KCNJ6: variants seen among roughly 807,000 people sequenced by gnomAD.
KCNJ6 encodes the protein G protein-activated inward rectifier potassium channel 2.
Under a neutral mutation model 34.2 loss-of-function variants are expected in KCNJ6, and 9 were observed. That is an observed-to-expected ratio of 0.26 (90% CI 0.16 to 0.46). The LOEUF is 0.46. Ranked by LOEUF, KCNJ6 falls within the 20% of genes least tolerant of loss-of-function variation. KCNJ6 has a pLI of 1.00. For synonymous variants in KCNJ6, 196 were observed against 207.1 expected (o/e 0.95, Z 0.46); for missense variants, 236 against 531.3 (o/e 0.44, Z 5.46).
chr21:37,628,605 A>G (rs1215992665), intron 3 of KCNJ6, among the ~76,000 whole-genome samples: 1 of 152,194 alleles, frequency 6.6e-6, no homozygotes, highest in Non-Finnish European at 1.5e-5. Context: ...TAAAGAGAAA[A>G]TAGCAGAAGG....
At chr21:37,692,554 C>G (rs775476944) in intron 3 of KCNJ6, among the ~76,000 whole-genome samples, 2 of 152,130 alleles carry the variant, frequency 1.3e-5, no homozygotes, top group Non-Finnish European at 2.9e-5. Flanking sequence ...GGAACCGTGT[C>G]TTGATTAGAC....
rs2054286036 is a variant in KCNJ6, at chr21:37,620,253, T to G, written c.*4906A>C. 1 of 152,170 alleles carries G rather than the reference T, an allele frequency of 6.6e-6. No individual in the cohort carries two copies. Among genetic ancestry groups the G allele is most frequent in the Non-Finnish European group, 1.5e-5 (1 of 68,046 alleles). The allele number at this position is 152,170 out of a possible 1,614,324, so 9.4% of individuals were successfully genotyped here. On this transcript the variant is annotated 3_prime_UTR_variant, in exon 4 of 4. Coordinates refer to ENST00000609713, the MANE Select transcript of KCNJ6 (RefSeq NM_002240.5). ...GTACAGTACAGGGGTCAGCAAACTT[T>G]TTTTATACAGGGCCAGATAGTAAAT...
chr21:37,859,436 C>G (rs575165364), intron 1 of KCNJ6, among the ~76,000 whole-genome samples: 1 of 128,002 alleles, frequency 7.8e-6, no homozygotes, highest in Non-Finnish European at 1.6e-5. Flanking sequence ...GAACTGGAGT[C>G]TAGGAAGGGT....
chr21:37,785,403 C>T (rs1042444994), intron 2 of KCNJ6, among the ~76,000 whole-genome samples: 1 of 152,210 alleles, frequency 6.6e-6, no homozygotes, highest in Non-Finnish European at 1.5e-5. Context: ...GTGGCAGTTT[C>T]CAAAGGCTCA....
chr21:37,710,048 A>G (rs1053183154), intron 3 of KCNJ6, among the ~76,000 whole-genome samples: 3 of 148,786 alleles, frequency 2.0e-5, no homozygotes, highest in Non-Finnish European at 4.5e-5. Flanking sequence ...TATCTTCTTT[A>G]AGAAAAACTT....
At chr21:37,758,512 C>T (rs1022118218) in intron 2 of KCNJ6, among the ~76,000 whole-genome samples, 6 of 152,192 alleles carry the variant, frequency 3.9e-5, no homozygotes, top group Admixed American at 6.5e-5. Flanking sequence ...TTTACCACTG[C>T]GGATTTCAAG....
chr21:37,862,678 G>A (rs528498544), intron 1 of KCNJ6, among the ~76,000 whole-genome samples: 191 of 152,302 alleles, frequency 1.3e-3, no homozygotes, highest in Non-Finnish European at 2.4e-3. Context: ...GAAACTGGGG[G>A]TTCTTCCTCT....
At chr21:37,731,553 G>C (rs1452272986) in intron 2 of KCNJ6, among the ~76,000 whole-genome samples, 1 of 152,208 alleles carries the variant, frequency 6.6e-6, no homozygotes, top group African/African-American at 2.4e-5. Context: ...GTGGTAGGCA[G>C]CATCATTGAT....
At position 37,645,780 on chromosome 21, in the gene KCNJ6, G is replaced by A. The variant is rs796793789; in HGVS notation, c.947-20296C>T. On this transcript the variant is annotated intron_variant, in intron 3 of 3. Transcript: ENST00000609713. Reference sequence around the variant, plus strand: ...TAGAAAATATTACTTGTAGAGTCACGTAGCAGCCTTTTCCAGAGCTTCTTC... The same window carrying A: ...TAGAAAATATTACTTGTAGAGTCACATAGCAGCCTTTTCCAGAGCTTCTTC... Among the ~76,000 whole-genome samples the A allele has an allele frequency of 6.0e-4, 92 of 152,242 alleles. 1 individual carries two copies. The highest frequency in any genetic ancestry group is 2.0e-3 in the African/African-American group (81 of 41,524).
At chr21:37,771,094 G>A (rs1214614372) in intron 2 of KCNJ6, among the ~76,000 whole-genome samples, 1 of 152,180 alleles carries the variant, frequency 6.6e-6, no homozygotes, top group Admixed American at 6.5e-5. Flanking sequence ...TATTTGGCGA[G>A]TAAGTGTGTT....
At chr21:37,876,340 T>G (rs1379767562) in intron 1 of KCNJ6, among the ~76,000 whole-genome samples, 1 of 152,102 alleles carries the variant, frequency 6.6e-6, no homozygotes, top group Non-Finnish European at 1.5e-5. Context: ...AGTCACCCAA[T>G]TAACAAAAAA....
chr21:37,642,846 T>A (rs1387942001), intron 3 of KCNJ6, among the ~76,000 whole-genome samples: 2 of 152,166 alleles, frequency 1.3e-5, no homozygotes, highest in African/African-American at 4.8e-5. Context: ...AAGATACTTA[T>A]AACTAAAATG....
chr21:37,834,131 G>A (rs1019304801), intron 2 of KCNJ6, among the ~76,000 whole-genome samples: 2 of 152,124 alleles, frequency 1.3e-5, no homozygotes, highest in Non-Finnish European at 2.9e-5. Context: ...TGCCCAACCT[G>A]CAATCCACGC....
intron 1 of KCNJ6, among the ~76,000 whole-genome samples, chr21:37,884,700 T>G (rs756968621): frequency 2.0e-5 from 3 of 152,176 alleles, no homozygotes; most frequent in Non-Finnish European, 4.4e-5. Flanking sequence ...AATATCTTTA[T>G]AAGTAGAGTC....
chr21:37,856,723 C>T (rs956941523), intron 1 of KCNJ6, among the ~76,000 whole-genome samples: 2 of 152,024 alleles, frequency 1.3e-5, no homozygotes, highest in African/African-American at 2.4e-5. Flanking sequence ...ATTCTTGTGG[C>T]TTTTCTACAG....
intron 2 of KCNJ6, among the ~76,000 whole-genome samples, chr21:37,809,805 T>C (rs969991499): frequency 6.6e-6 from 1 of 152,148 alleles, no homozygotes; most frequent in Admixed American, 6.5e-5. Context: ...TAGCCTTCCT[T>C]GCGATACTGC....
intron 2 of KCNJ6, among the ~76,000 whole-genome samples, chr21:37,811,949 A>G (rs1407838721): frequency 6.6e-6 from 1 of 152,222 alleles, no homozygotes; most frequent in East Asian, 1.9e-4. Flanking sequence ...AGCCATCCCA[A>G]AAAGATAAGT....
intron 1 of KCNJ6, among the ~76,000 whole-genome samples, chr21:37,914,513 G>A (rs2055883721): frequency 6.6e-6 from 1 of 152,194 alleles, no homozygotes; most frequent in Admixed American, 6.5e-5. Flanking sequence ...GATGCCCTGG[G>A]ACCCGCCACA....
At chr21:37,881,098 C>G (rs893102534) in intron 1 of KCNJ6, among the ~76,000 whole-genome samples, 3 of 152,166 alleles carry the variant, frequency 2.0e-5, no homozygotes, top group African/African-American at 7.2e-5. Context: ...GCAACCTTCC[C>G]TCTGTGCTTT....
Sources: allele counts gnomAD v4.1 joint callset (sites outside exome capture counted in the v4.1 genomes callset), GRCh38; gene constraint gnomAD v4.1.1; transcripts MANE v1.5; gene names NCBI Gene and HGNC (gene_info 2026-07-23, HGNC 2026-07-21).